The following C8orf89 variants were observed in gnomAD, a reference collection of about 807,000 sequenced individuals.
C8orf89 encodes chromosome 8 open reading frame 89, also known as putative uncharacterized protein C8orf89.
A neutral mutation model predicts 15.8 loss-of-function variants in C8orf89; 14 were observed. The ratio of observed to expected loss-of-function variants is 0.89; its 90% confidence interval spans 0.59 to 1.39. C8orf89 has a LOEUF of 1.39. Among genes scored for constraint, C8orf89 ranks in the 40% most tolerant of loss-of-function variants. C8orf89 has a pLI of 0.00. For synonymous variants in C8orf89, 55 were observed against 62.2 expected (o/e 0.88, Z 0.54); for missense variants, 181 against 184.5 (o/e 0.98, Z 0.11).
the C8orf89 span, among the ~76,000 whole-genome samples, chr8:73,272,924 CTGTT>C: frequency 1.3e-5 from 2 of 152,296 alleles, no homozygotes; most frequent in South Asian, 4.1e-4. Context: ...TAGCTACTAA[CTGTT>C]TGAAATGGAA....
At chr8:73,251,933 G>A (rs1234204461) in intron 2 of C8orf89, among the ~76,000 whole-genome samples, 1 of 152,162 alleles carries the variant, frequency 6.6e-6, no homozygotes, top group Non-Finnish European at 1.5e-5. Context: ...GACAGTCAGG[G>A]ACACAAGTGT....
At chr8:73,254,011 A>G (rs538636996) in intron 2 of C8orf89, among the ~76,000 whole-genome samples, 357 of 152,228 alleles carry the variant, frequency 2.3e-3, no homozygotes, top group African/African-American at 8.0e-3. Flanking sequence ...GTCTTGGGCC[A>G]GTTTTCAAAG....
At chr8:73,258,655 G>T (rs149121045) in intron 1 of C8orf89, among the ~76,000 whole-genome samples, 2,610 of 140,692 alleles carry the variant, frequency 0.019, 45 homozygotes, top group Middle Eastern at 0.029. Flanking sequence ...TTGAGACAAG[G>T]TATCACTTTG....
At chr8:73,277,478 G>T in the C8orf89 span, 1,060 of 939,302 alleles carry the variant, frequency 1.1e-3, 14 homozygotes, top group African/African-American at 0.016. Flanking sequence ...AGAATCCCCT[G>T]GTTTCCTGAT....
chr8:73,253,160 A>C (rs1036214851), intron 2 of C8orf89, among the ~76,000 whole-genome samples: 4 of 152,188 alleles, frequency 2.6e-5, no homozygotes, highest in African/African-American at 9.6e-5. Context: ...AGAAAAAGGA[A>C]CTAGACATTC....
chr8:73,276,219 C>A, the C8orf89 span, among the ~76,000 whole-genome samples: 1 of 150,384 alleles, frequency 6.6e-6, no homozygotes, highest in East Asian at 1.9e-4. Context: ...CTTTGTCACC[C>A]AGGCTGGGGT....
intron 3 of C8orf89, among the ~76,000 whole-genome samples, chr8:73,242,634 T>C (rs1191487313): frequency 2.0e-5 from 3 of 152,146 alleles, no homozygotes; most frequent in Non-Finnish European, 2.9e-5. Flanking sequence ...ATGGCTTTTA[T>C]CTAAAAGACA....
chr8:73,272,200 A>T, the C8orf89 span, among the ~76,000 whole-genome samples: 1 of 152,106 alleles, frequency 6.6e-6, no homozygotes, highest in Non-Finnish European at 1.5e-5. Flanking sequence ...CTAATGAGAG[A>T]AGTATATCTT....
chr8:73,256,713 C>G, intron 2 of C8orf89, among the ~76,000 whole-genome samples: 1 of 114,370 alleles, frequency 8.7e-6, no homozygotes, highest in Admixed American at 1.2e-4. Context: ...GGCAAAACAG[C>G]GAGACTCTGT....
intron 3 of C8orf89, 104 bp from the exon 4 acceptor site, chr8:73,241,709 A>G: frequency 1.1e-6 from 1 of 949,398 alleles, no homozygotes; most frequent in South Asian, 2.5e-5. Flanking sequence ...ACAAATGACT[A>G]TTACACACTA....
chr8:73,276,406 G>A, the C8orf89 span, among the ~76,000 whole-genome samples: 1 of 152,016 alleles, frequency 6.6e-6, no homozygotes, highest in South Asian at 2.1e-4. Flanking sequence ...TTGAACGCCT[G>A]ACCTCAGGTG....
At chr8:73,260,313 C>G (rs1813499019), upstream of C8orf89, among the ~76,000 whole-genome samples, 1 of 151,584 alleles carries the variant, frequency 6.6e-6, no homozygotes, top group Admixed American at 6.6e-5. Flanking sequence ...CACATGTTCT[C>G]ACTCATAGGT....
upstream of C8orf89, among the ~76,000 whole-genome samples, chr8:73,262,090 C>T (rs1009472056): frequency 2.6e-5 from 4 of 152,076 alleles, no homozygotes; most frequent in African/African-American, 9.7e-5. Context: ...AAAATGGCAA[C>T]AAAACTAACT....
the C8orf89 span, among the ~76,000 whole-genome samples, chr8:73,270,771 A>G: frequency 6.6e-6 from 1 of 152,164 alleles, no homozygotes; most frequent in Non-Finnish European, 1.5e-5. Context: ...AAATTAATAA[A>G]TAAATATTAA....
the C8orf89 span, among the ~76,000 whole-genome samples, chr8:73,273,694 G>A: frequency 6.6e-6 from 1 of 151,928 alleles, no homozygotes; most frequent in African/African-American, 2.4e-5. Flanking sequence ...TCAGTTCCAC[G>A]TGAAGTCTGC....
Position 73,248,704 on chromosome 8 carries a change from T to C in C8orf89, c.337+1564A>G, listed in dbSNP as rs114252368. Among the ~76,000 whole-genome samples the C allele has an allele frequency of 7.0e-3, 1,060 of 152,260 alleles. 14 individuals are homozygous for C. The highest frequency in any genetic ancestry group is 0.025 in the African/African-American group (1,026 of 41,552). On this transcript the variant is annotated intron_variant, in intron 3 of 3. Coordinates refer to ENST00000624510, the MANE Select transcript of C8orf89 (RefSeq NM_001243237.3). ...GGTATATTATTCTTTTTGTGCCAAT[T>C]GTAAATGGGATTGTGTTCCTGATTT... is the stretch of plus-strand genomic sequence containing the variant.
upstream of C8orf89, among the ~76,000 whole-genome samples, chr8:73,261,933 G>A (rs1813537319): frequency 6.6e-6 from 1 of 151,960 alleles, no homozygotes; most frequent in African/African-American, 2.4e-5. Flanking sequence ...TCTATTCTTG[G>A]GGTTGATCCT....
chr8:73,262,365 C>T (rs145543308), upstream of C8orf89, among the ~76,000 whole-genome samples: 314 of 152,212 alleles, frequency 2.1e-3, no homozygotes, highest in African/African-American at 7.2e-3. Context: ...AAAGAACAGC[C>T]CTCTTAGTGG....
the C8orf89 span, among the ~76,000 whole-genome samples, chr8:73,272,424 A>G: frequency 3.3e-5 from 5 of 152,170 alleles, no homozygotes; most frequent in African/African-American, 9.6e-5. Flanking sequence ...CATGCACATT[A>G]TATCAGCCCA....
Sources: allele counts gnomAD v4.1 joint callset (sites outside exome capture counted in the v4.1 genomes callset), GRCh38; gene constraint gnomAD v4.1.1; transcripts MANE v1.5; gene names NCBI Gene and HGNC (gene_info 2026-07-23, HGNC 2026-07-21).